Variants in FGD6 observed in about 807,000 individuals in gnomAD.
FGD6 encodes the protein FYVE, RhoGEF and PH domain containing 6, also known as FYVE, RhoGEF and PH domain-containing protein 6.
A neutral mutation model predicts 149.4 loss-of-function variants in FGD6; 90 were observed. That is an observed-to-expected ratio of 0.60 (90% confidence interval 0.51 to 0.72). The LOEUF (loss-of-function observed/expected upper bound fraction) is 0.72, where lower values mean the gene tolerates loss of function less well. FGD6 is among the 30% of genes least tolerant of loss of function. The pLI is 0.00. For missense variants in FGD6, 1,437 were observed against 1,684.8 expected (o/e 0.85, Z 2.57); for synonymous variants, 527 against 584.0 (o/e 0.90, Z 1.41).
intron 2 of FGD6, among the ~76,000 whole-genome samples, chr12:95,177,884 T>A (rs975554473): frequency 8.0e-5 from 12 of 150,432 alleles, no homozygotes; most frequent in African/African-American, 3.0e-4. Context: ...AGTAAAACCA[T>A]GAATCAAATC....
chr12:95,093,167 G>A (rs1409878427), intron 15 of FGD6, among the ~76,000 whole-genome samples: 1 of 152,064 alleles, frequency 6.6e-6, no homozygotes, highest in Non-Finnish European at 1.5e-5. Context: ...GTTGCAATGA[G>A]CTGAGATTGT....
At chr12:95,099,592 T>A (rs527748487) in intron 14 of FGD6, among the ~76,000 whole-genome samples, 3 of 152,260 alleles carry the variant, frequency 2.0e-5, no homozygotes, top group African/African-American at 7.2e-5. Context: ...AGAGCCCACA[T>A]TCAGCCCATT....
chr12:95,208,664 T>C (rs1278287337), intron 2 of FGD6, among the ~76,000 whole-genome samples, 179 bp downstream of exon 2: 3 of 152,200 alleles, frequency 2.0e-5, no homozygotes, highest in Non-Finnish European at 2.9e-5. Flanking sequence ...TTCAAGCTTG[T>C]ATTGCAAATA....
At chr12:95,153,046 G>A (rs1880356596) in intron 3 of FGD6, 53 bp from the exon 4 acceptor site, 12 of 1,516,372 alleles carry the variant, frequency 7.9e-6, no homozygotes, top group Non-Finnish European at 1.1e-5. Context: ...ATGAAGATCA[G>A]CTATGAGCTA....
At position 95,217,394 on chromosome 12, in the gene FGD6, G is replaced by A. The variant is rs1259490190; in HGVS notation, c.-154C>T. On this transcript the variant is annotated 5_prime_UTR_variant, in exon 1 of 21. Coordinates refer to ENST00000343958, the MANE Select transcript of FGD6 (RefSeq NM_018351.4). ...CGGCGCAGCCTGAGCGCCACACAAAGGACGCGGCCGACTCTAGCGACCCTG... is the reference window on the plus strand; with the variant it reads ...CGGCGCAGCCTGAGCGCCACACAAAAGACGCGGCCGACTCTAGCGACCCTG... The A allele has an allele frequency of 1.6e-6, 2 of 1,244,502 alleles. No individual in the cohort carries two copies. Among genetic ancestry groups the A allele is most frequent in the Non-Finnish European group, 2.1e-6 (2 of 943,204 alleles). 77.1% of individuals were successfully genotyped at this position (1,244,502 alleles called of 1,614,324 possible).
intron 8 of FGD6, among the ~76,000 whole-genome samples, chr12:95,115,260 C>T (rs1291163122): frequency 2.0e-5 from 3 of 152,198 alleles, no homozygotes; most frequent in Non-Finnish European, 4.4e-5. Context: ...TCATTCAAGA[C>T]AGAGTCTCAC....
At chr12:95,205,130 T>C (rs2056686796) in intron 2 of FGD6, among the ~76,000 whole-genome samples, 1 of 152,028 alleles carries the variant, frequency 6.6e-6, no homozygotes, top group Non-Finnish European at 1.5e-5. Flanking sequence ...TAGATGGGTG[T>C]GGTGGCACAT....
intron 8 of FGD6, among the ~76,000 whole-genome samples, chr12:95,126,865 T>G (rs921409653): frequency 5.9e-5 from 9 of 152,098 alleles, no homozygotes; most frequent in African/African-American, 2.2e-4. Flanking sequence ...GAGTCGGAAG[T>G]TGCAGTGAGC....
At position 95,138,102 on chromosome 12, in the gene FGD6, C is replaced by T. The variant is rs1879727768; in HGVS notation, c.2838-424G>A. Among the ~76,000 whole-genome samples, 3 of 151,796 alleles carry T rather than the reference C, an allele frequency of 2.0e-5. No individual in the cohort carries two copies. In the South Asian group the frequency reaches 6.3e-4, roughly 32 times the overall value. ...GGGCATGGTGGTGCATGCCTGTAAT[C>T]CCAAGACAGGAGAATTGTTTGAACC... is the stretch of plus-strand genomic sequence containing the variant. On this transcript the variant is annotated intron_variant, in intron 6 of 20. Transcript: ENST00000343958.
intron 14 of FGD6, among the ~76,000 whole-genome samples, chr12:95,097,377 C>T (rs1443061780): frequency 2.6e-5 from 4 of 151,966 alleles, no homozygotes; most frequent in East Asian, 1.9e-4. Context: ...GGCTCATGCC[C>T]GTAATCCCAG....
intron 2 of FGD6, chr12:95,189,701 G>C (rs1400874369): frequency 6.7e-6 from 1 of 148,576 alleles, no homozygotes; most frequent in Non-Finnish European, 1.5e-5. Flanking sequence ...TTCAAGAAAA[G>C]GAGAAGCATC....
intron 2 of FGD6, among the ~76,000 whole-genome samples, chr12:95,184,011 ACT>A (rs1881355833): frequency 6.6e-6 from 1 of 152,116 alleles, no homozygotes; most frequent in Non-Finnish European, 1.5e-5. Flanking sequence ...ATACATCTAG[ACT>A]CTGCCATGAT....
intron 14 of FGD6, among the ~76,000 whole-genome samples, chr12:95,102,969 CAT>C: frequency 6.6e-6 from 1 of 152,126 alleles, no homozygotes; most frequent in Non-Finnish European, 1.5e-5. Flanking sequence ...TAAAACGAAA[CAT>C]GAGCACTGTG....
At chr12:95,170,519 G>T (rs1880961256) in intron 3 of FGD6, among the ~76,000 whole-genome samples, 1 of 151,852 alleles carries the variant, frequency 6.6e-6, no homozygotes, top group Non-Finnish European at 1.5e-5. Flanking sequence ...ATGGGTGCCT[G>T]TAATTCCAGC....
At chr12:95,114,086 AT>A (rs908563748) in intron 8 of FGD6, among the ~76,000 whole-genome samples, 1 of 152,218 alleles carries the variant, frequency 6.6e-6, no homozygotes, top group Non-Finnish European at 1.5e-5. Context: ...CACGTCTAGT[AT>A]AAAATTCTAA....
At chr12:95,136,870 T>G (rs1879680897) in intron 7 of FGD6, among the ~76,000 whole-genome samples, 1 of 152,258 alleles carries the variant, frequency 6.6e-6, no homozygotes, top group Non-Finnish European at 1.5e-5. Context: ...TCTGGGGATC[T>G]GGTTGCACAA....
intron 8 of FGD6, among the ~76,000 whole-genome samples, chr12:95,122,706 A>C (rs186242409): frequency 3.3e-5 from 5 of 151,478 alleles, no homozygotes; most frequent in African/African-American, 1.2e-4. Context: ...CTGCTTCTCA[A>C]ATACTCATTC....
intron 5 of FGD6, among the ~76,000 whole-genome samples, chr12:95,145,809 G>A (rs1879998942): frequency 6.6e-6 from 1 of 152,090 alleles, no homozygotes; most frequent in Admixed American, 6.5e-5. Context: ...GAGTAGCTGA[G>A]ATTACAGGCA....
At position 95,078,417 on chromosome 12, in the gene FGD6, A is replaced by T. The variant is rs1877564617; in HGVS notation, c.*3103T>A. 1 of 152,240 alleles carries T rather than the reference A, an allele frequency of 6.6e-6. No homozygotes were observed. The highest frequency in any genetic ancestry group is 1.5e-5 in the Non-Finnish European group (1 of 68,044). The allele number at this position is 152,240 out of a possible 1,614,324, so 9.4% of individuals were successfully genotyped here. A position where few individuals can be genotyped will look rare whatever the true frequency, so the allele number is the denominator to read the frequency against. On this transcript the variant is annotated 3_prime_UTR_variant, in exon 21 of 21. Coordinates refer to ENST00000343958, the MANE Select transcript of FGD6 (RefSeq NM_018351.4). ...TTACATTTTAACTAAATTACCAAAT[A>T]GGAGACTTTCCCCACATCTAGATAT...
Sources: gnomAD v4.1 joint callset for allele counts (sites outside exome capture counted in the v4.1 genomes callset) on GRCh38, gnomAD v4.1.1 for gene constraint, MANE v1.5 for transcripts, NCBI Gene and HGNC (gene_info 2026-07-23, HGNC 2026-07-21) for gene names.